The following GPM6B variants were observed in gnomAD, a reference collection of about 807,000 sequenced individuals.
GPM6B encodes neuronal membrane glycoprotein M6-b.
Under a neutral mutation model 27.2 loss-of-function variants are expected in GPM6B, and 4 were observed. That is an observed-to-expected ratio of 0.15 (90% CI 0.07 to 0.34). GPM6B has a LOEUF of 0.34. Among genes scored for constraint, GPM6B ranks in the 10% least tolerant of loss-of-function variants. GPM6B has a pLI of 1.00. For synonymous variants in GPM6B, 124 were observed against 103.1 expected (o/e 1.20, Z -1.23); for missense variants, 183 against 261.9 (o/e 0.70, Z 2.08).
At chrX:13,874,850 A>G (rs1280517914) in intron 1 of GPM6B, among the ~76,000 whole-genome samples, 2 of 111,859 alleles carry the variant, frequency 1.8e-5, no homozygotes, top group African/African-American at 6.5e-5. Flanking sequence ...CGTTGTGAAG[A>G]CTAAACGAGG....
At chrX:13,790,440 A>T (rs1401453995) in intron 2 of GPM6B, among the ~76,000 whole-genome samples, 1 of 112,166 alleles carries the variant, frequency 8.9e-6, no homozygotes, top group East Asian at 2.8e-4. Flanking sequence ...GTGACCCCAG[A>T]CTGAGTCAGA....
chrX:13,932,172 C>A (rs1256191068), intron 1 of GPM6B, among the ~76,000 whole-genome samples: 1 of 110,978 alleles, frequency 9.0e-6, no homozygotes, highest in African/African-American at 3.3e-5. Context: ...CAGCTCTCCC[C>A]ACTCCCCCAC....
chrX:13,772,988 TTAAG>T lies in GPM6B; in HGVS notation c.876_879del (p.Tyr292Ter). ...TAAGCCTGCATTTTGCTCGCATCCT[TTAAG>T]TAAGCCCAGTTAGAAGACAGTATCA... is the stretch of plus-strand genomic sequence containing the variant. On this transcript the variant is annotated frameshift_variant, in exon 8 of 8. Coordinates refer to ENST00000316715, the MANE Select transcript of GPM6B (RefSeq NM_001001995.3). LOFTEE classifies it high-confidence loss of function. 2.5e-6 allele frequency: 3 copies of T among 1,210,457 alleles called. No individual in the cohort carries two copies. The highest frequency in any genetic ancestry group is 3.4e-6 in the Non-Finnish European group (3 of 894,336).
chrX:13,837,714 G>T (rs1443948050), intron 1 of GPM6B, among the ~76,000 whole-genome samples: 2 of 72,720 alleles, frequency 2.8e-5, no homozygotes, highest in Admixed American at 2.9e-4. Flanking sequence ...AGTTGGTGGG[G>T]GGGGGGGGGG....
upstream of GPM6B, among the ~76,000 whole-genome samples, chrX:13,822,330 G>A (rs1603049448): frequency 9.1e-6 from 1 of 110,009 alleles, no homozygotes; most frequent in Non-Finnish European, 1.9e-5. Flanking sequence ...TAAATAAATT[G>A]TGCTTAAAAT....
intron 1 of GPM6B, among the ~76,000 whole-genome samples, chrX:13,844,421 T>C (rs1201261199): frequency 2.7e-5 from 3 of 112,426 alleles, no homozygotes; most frequent in Non-Finnish European, 3.8e-5. Context: ...GCTTGTTAGA[T>C]GGCAAAAACT....
At chrX:13,793,048 T>C (rs2048743715) in intron 2 of GPM6B, among the ~76,000 whole-genome samples, 1 of 109,155 alleles carries the variant, frequency 9.2e-6, no homozygotes, top group African/African-American at 3.3e-5. Flanking sequence ...CATACCTCAT[T>C]ATACCCTCCT....
Position 13,826,982 on chromosome X carries a change from T to A in GPM6B, c.-197-41174A>T, listed in dbSNP as rs190005264. On this transcript the variant is annotated intron_variant, in intron 1 of 6. Transcript: ENST00000398361. ...AGGGCCAGCCTTCCAGACTCCTCTT[T>A]GTTAGCTGTTTAACCGCCGTTATTG... 3.5e-3 allele frequency among the ~76,000 whole-genome samples: 382 copies of A among 110,278 alleles called. 7 individuals carry two copies. The highest frequency in any genetic ancestry group is 0.034 in the Admixed American group (346 of 10,293).
intron 1 of GPM6B, chrX:13,889,708 C>T (rs1490599410): frequency 5.5e-5 from 6 of 109,748 alleles, no homozygotes; most frequent in South Asian, 3.9e-4. Context: ...GTGGCATTAA[C>T]GACATTCACA....
intron 1 of GPM6B, among the ~76,000 whole-genome samples, chrX:13,896,856 C>T (rs940610198): frequency 8.9e-6 from 1 of 112,059 alleles, no homozygotes; most frequent in African/African-American, 3.2e-5. Flanking sequence ...GCATGAGCCA[C>T]CGCACTCTGC....
chrX:13,817,317 C>T (rs1603045033), upstream of GPM6B: 1 of 750,350 alleles, frequency 1.3e-6, no homozygotes, highest in Non-Finnish European at 1.6e-6. Flanking sequence ...CTCTCTCTCT[C>T]TCTTTCTCCC....
At chrX:13,899,133 G>A (rs758096652) in intron 1 of GPM6B, among the ~76,000 whole-genome samples, 2 of 110,745 alleles carry the variant, frequency 1.8e-5, no homozygotes, top group Non-Finnish European at 3.8e-5. Flanking sequence ...CATAGGGGCT[G>A]GGCATGGTGG....
chrX:13,890,501 C>T (rs2050179003), intron 1 of GPM6B, among the ~76,000 whole-genome samples: 1 of 111,516 alleles, frequency 9.0e-6, no homozygotes, highest in African/African-American at 3.3e-5. Flanking sequence ...ATTGGGACCC[C>T]TTTGTTGTAA....
chrX:13,859,042 T>C (rs1450719474), intron 1 of GPM6B, among the ~76,000 whole-genome samples: 1 of 112,820 alleles, frequency 8.9e-6, no homozygotes, highest in Non-Finnish European at 1.9e-5. Flanking sequence ...TGAGAAAGTC[T>C]AATGTTATAC....
intron 1 of GPM6B, among the ~76,000 whole-genome samples, chrX:13,812,044 CTTTCTTTTTTTTTTTT>C (rs1216156630): frequency 1.2e-5 from 1 of 82,667 alleles, no homozygotes; most frequent in Non-Finnish European, 2.3e-5. Flanking sequence ...CTTTTCTTTT[CTTTCTTTTTTTTTTTT>C]TTTTTTTGAG....
intron 1 of GPM6B, among the ~76,000 whole-genome samples, chrX:13,831,351 C>G (rs774830381): frequency 3.3e-4 from 36 of 110,752 alleles, no homozygotes; most frequent in Non-Finnish European, 6.4e-4. Flanking sequence ...TGGGAGGTCT[C>G]GGTTCTAAGG....
intron 1 of GPM6B, among the ~76,000 whole-genome samples, chrX:13,932,940 C>T (rs900291185): frequency 9.0e-6 from 1 of 111,712 alleles, no homozygotes; most frequent in Non-Finnish European, 1.9e-5. Context: ...GTCTGTATGC[C>T]TGGCAGCAAT....
At chrX:13,878,208 CAGAGTTT>C (rs1338949598) in intron 1 of GPM6B, among the ~76,000 whole-genome samples, 1 of 108,166 alleles carries the variant, frequency 9.2e-6, no homozygotes, top group Non-Finnish European at 1.9e-5. Flanking sequence ...ATATTCTATT[CAGAGTTT>C]AAAGTATGGG....
At chrX:13,818,951 C>CA (rs2049278087), upstream of GPM6B, among the ~76,000 whole-genome samples, 2 of 112,304 alleles carry the variant, frequency 1.8e-5, no homozygotes, top group African/African-American at 6.5e-5. Context: ...AAGTGTCCAG[C>CA]AAAAACATCT....
Sources: gnomAD v4.1 joint callset for allele counts (sites outside exome capture counted in the v4.1 genomes callset) on GRCh38, gnomAD v4.1.1 for gene constraint, MANE v1.5 for transcripts, NCBI Gene and HGNC (gene_info 2026-07-23, HGNC 2026-07-21) for gene names.